ADAMTSL1: variants seen among roughly 807,000 people sequenced by gnomAD.
ADAMTSL1 encodes ADAMTS-like protein 1.
Under a neutral mutation model 201.8 loss-of-function variants are expected in ADAMTSL1, and 126 were observed. The observed-to-expected ratio is 0.62, with a 90% confidence interval of 0.54 to 0.72. The LOEUF (loss-of-function observed/expected upper bound fraction) is 0.72. Ranked by LOEUF, ADAMTSL1 falls within the 30% of genes least tolerant of loss-of-function variation. The pLI, the probability that ADAMTSL1 is intolerant of heterozygous loss-of-function variation, is 0.00. For missense variants in ADAMTSL1, 2,679 were observed against 2,277.8 expected (o/e 1.18, Z -3.59); for synonymous variants, 1,121 against 903.4 (o/e 1.24, Z -4.32).
At chr9:18,744,885 GTGTGTTTGCTTGA>G (rs1564198321) in intron 15 of ADAMTSL1, among the ~76,000 whole-genome samples, 1 of 152,150 alleles carries the variant, frequency 6.6e-6, no homozygotes, top group African/African-American at 2.4e-5. Context: ...GTCTCTCCAT[GTGTGTTTGCTTGA>G]TGTTTTCTTG....
At chr9:18,236,057 G>A (rs1830835065) in intron 2 of ADAMTSL1, among the ~76,000 whole-genome samples, 1 of 152,110 alleles carries the variant, frequency 6.6e-6, no homozygotes, top group African/African-American at 2.4e-5. Context: ...GACCCATAAT[G>A]ATTGTTGCAT....
At chr9:18,888,792 T>G (rs949579923) in intron 24 of ADAMTSL1, among the ~76,000 whole-genome samples, 1 of 152,152 alleles carries the variant, frequency 6.6e-6, no homozygotes, top group East Asian at 1.9e-4. Context: ...CACAAAAAGA[T>G]GAAGAAAGGA....
chr9:18,233,432 G>C (rs141530305), intron 2 of ADAMTSL1, among the ~76,000 whole-genome samples: 71 of 152,204 alleles, frequency 4.7e-4, no homozygotes, highest in Non-Finnish European at 9.1e-4. Context: ...ATCATGCTAT[G>C]AGTCTACATG....
At chr9:18,814,188 A>C (rs371211397) in intron 20 of ADAMTSL1, among the ~76,000 whole-genome samples, 2 of 152,184 alleles carry the variant, frequency 1.3e-5, no homozygotes, top group South Asian at 4.1e-4. Flanking sequence ...GATATATCAC[A>C]TTTGTTGATC....
intron 1 of ADAMTSL1, among the ~76,000 whole-genome samples, chr9:17,916,336 T>C (rs774132166): frequency 1.3e-5 from 2 of 152,232 alleles, no homozygotes; most frequent in Non-Finnish European, 2.9e-5. Context: ...TTTGATGAAG[T>C]TGAATTTATC....
chr9:18,423,616 A>G (rs1174219448), intron 2 of ADAMTSL1, among the ~76,000 whole-genome samples: 1 of 152,244 alleles, frequency 6.6e-6, no homozygotes, highest in Non-Finnish European at 1.5e-5. Context: ...CTAGCGAGGT[A>G]AGAAACATAA....
At chr9:17,975,628 A>T (rs1409929187) in intron 1 of ADAMTSL1, among the ~76,000 whole-genome samples, 2 of 151,992 alleles carry the variant, frequency 1.3e-5, no homozygotes, top group Admixed American at 6.6e-5. Flanking sequence ...CTTATCACAG[A>T]TATGGTTTGC....
intron 4 of ADAMTSL1, 130 bp from the exon 5 acceptor site, chr9:18,622,113 G>T: frequency 1.7e-6 from 2 of 1,166,212 alleles, no homozygotes; most frequent in South Asian, 1.6e-5. Flanking sequence ...GTTGAATTCA[G>T]TCCCCTTCAC....
At chr9:18,526,803 G>T (rs182084820) in intron 2 of ADAMTSL1, among the ~76,000 whole-genome samples, 2 of 152,200 alleles carry the variant, frequency 1.3e-5, no homozygotes, top group Non-Finnish European at 2.9e-5. Flanking sequence ...GAGAAACTGT[G>T]TTCCAGTACT....
chr9:18,883,273 C>G (rs534215204), intron 23 of ADAMTSL1, among the ~76,000 whole-genome samples: 1 of 152,288 alleles, frequency 6.6e-6, no homozygotes, highest in African/African-American at 2.4e-5. Flanking sequence ...TGACTGTTCT[C>G]CACATTTCTC....
chr9:18,621,955 T>A (rs1826062550), intron 4 of ADAMTSL1, among the ~76,000 whole-genome samples: 2 of 152,200 alleles, frequency 1.3e-5, no homozygotes, highest in Non-Finnish European at 2.9e-5. Context: ...TTCTCATCTC[T>A]CTTACTTTCT....
chr9:18,830,445 C>G (rs1258890215), intron 23 of ADAMTSL1, among the ~76,000 whole-genome samples: 2 of 152,088 alleles, frequency 1.3e-5, no homozygotes, highest in African/African-American at 4.8e-5. Context: ...CTATTTAGAC[C>G]AGCTTTCTGT....
chr9:18,672,631 A>G (rs1829892591), intron 9 of ADAMTSL1, among the ~76,000 whole-genome samples: 1 of 152,204 alleles, frequency 6.6e-6, no homozygotes, highest in Admixed American at 6.5e-5. Context: ...ATCATATTGT[A>G]CATTCTATTT....
chr9:18,168,594 C>A (rs200312156), intron 2 of ADAMTSL1, among the ~76,000 whole-genome samples: 4,477 of 149,550 alleles, frequency 0.03, 92 homozygotes, highest in Non-Finnish European at 0.047. Context: ...ATACGTGTGC[C>A]TGTGTCTTTA....
At chr9:18,874,167 A>T (rs974538814) in intron 23 of ADAMTSL1, among the ~76,000 whole-genome samples, 1 of 152,052 alleles carries the variant, frequency 6.6e-6, no homozygotes, top group Non-Finnish European at 1.5e-5. Context: ...TGCTGGATTC[A>T]TTTATCAGTT....
chr9:17,975,797 G>A (rs934997879), intron 1 of ADAMTSL1, among the ~76,000 whole-genome samples: 6 of 151,962 alleles, frequency 3.9e-5, no homozygotes, highest in Middle Eastern at 3.4e-3. Flanking sequence ...ATCATTGCCC[G>A]GATCAATGTC....
intron 2 of ADAMTSL1, among the ~76,000 whole-genome samples, chr9:18,326,882 C>G (rs554713517): frequency 1.3e-5 from 2 of 152,326 alleles, no homozygotes; most frequent in South Asian, 4.1e-4. Flanking sequence ...GAAATATGAC[C>G]TGTTGCTTGC....
At chr9:18,768,729 T>C (rs374833471) in intron 16 of ADAMTSL1, among the ~76,000 whole-genome samples, 20 of 152,200 alleles carry the variant, frequency 1.3e-4, no homozygotes, top group African/African-American at 4.6e-4. Flanking sequence ...CATTATCCAC[T>C]AGCTCTGTGA....
chr9:18,552,388 AT>A (rs1820841977), intron 3 of ADAMTSL1, among the ~76,000 whole-genome samples: 1 of 151,708 alleles, frequency 6.6e-6, no homozygotes, highest in Non-Finnish European at 1.5e-5. Flanking sequence ...GGGCATTTAC[AT>A]TTTTCTTTAT....
Sources: gnomAD v4.1 joint callset for allele counts (sites outside exome capture counted in the v4.1 genomes callset) on GRCh38, gnomAD v4.1.1 for gene constraint, MANE v1.5 for transcripts, NCBI Gene and HGNC (gene_info 2026-07-23, HGNC 2026-07-21) for gene names.